DNAJC10: variants seen among roughly 807,000 people sequenced by gnomAD.
DNAJC10 encodes the protein endoplasmic reticulum disulfide reductase DNAJC10.
DNAJC10 carries 101 observed loss-of-function variants against 115.0 expected under a neutral mutation model. That is an observed-to-expected ratio of 0.88 (90% CI 0.75 to 1.04). The LOEUF is 1.04. Ranked by LOEUF, DNAJC10 falls within the 50% of genes least tolerant of loss-of-function variation. The probability of loss-of-function intolerance (pLI) is 0.00; values close to 1 mark genes in which losing one functional copy is unlikely to be tolerated. For synonymous variants in DNAJC10, 307 were observed against 301.5 expected (o/e 1.02, Z -0.19); for missense variants, 981 against 928.8 (o/e 1.06, Z -0.73).
intron 7 of DNAJC10, among the ~76,000 whole-genome samples, chr2:182,729,447 C>CA (rs988565282): frequency 3.2e-4 from 49 of 150,904 alleles, no homozygotes; most frequent in Non-Finnish European, 5.8e-4. Context: ...CAGTGCCTGG[C>CA]AAAAAAAACA....
chr2:182,785,438 A>C lies in DNAJC10; in HGVS notation c.*8306A>C, dbSNP rs1694928453. The C allele has an allele frequency of 6.6e-6, 1 of 152,128 alleles. No homozygotes were observed. The highest frequency in any genetic ancestry group is 1.5e-5 in the Non-Finnish European group (1 of 68,008). The allele number at this position is 152,128 out of a possible 1,614,324, so 9.4% of individuals were successfully genotyped here. On this transcript the variant is annotated 3_prime_UTR_variant, in exon 24 of 24. Coordinates refer to ENST00000264065, the MANE Select transcript of DNAJC10 (RefSeq NM_018981.4). ...CTGAATTCTCGCCCTGTAGTCAAGT[A>C]CTTACTATGAGTTTGGAAAAATTGC... is the stretch of plus-strand genomic sequence containing the variant.
At chr2:182,775,476 C>A in intron 23 of DNAJC10, 56 bp downstream of exon 23, 1 of 1,077,454 alleles carries the variant, frequency 9.3e-7, no homozygotes, top group Middle Eastern at 2.0e-4. Flanking sequence ...TTAGCAAAAT[C>A]TATTTTTCCT....
intron 10 of DNAJC10, chr2:182,732,744 C>G: frequency 1.8e-6 from 1 of 559,912 alleles, no homozygotes; most frequent in Admixed American, 3.6e-5. Flanking sequence ...GGTATCAATT[C>G]TAAGTGTCAT....
In DNAJC10 at chr2:182,730,640, T is replaced by C. The variant is rs288281; in HGVS notation, c.728-390T>C. The C allele has an allele frequency of 1.2e-3, 516 of 418,566 alleles. 2 individuals are homozygous for C. The highest frequency in any genetic ancestry group is 9.6e-3 in the African/African-American group (465 of 48,382). The allele number at this position is 418,566 out of a possible 1,614,324, so 25.9% of individuals were successfully genotyped here. On this transcript the variant is annotated intron_variant, in intron 8 of 23. Transcript: ENST00000264065. Reference sequence around the variant, plus strand: ...ATATCCAATCTGTCATGAAAATGAATAGGAAGCCTTAGGAGATCACTGTGT... The same window carrying C: ...ATATCCAATCTGTCATGAAAATGAACAGGAAGCCTTAGGAGATCACTGTGT...
chr2:182,722,175 G>A (rs1693167682), intron 5 of DNAJC10, 100 bp downstream of exon 5: 1 of 811,110 alleles, frequency 1.2e-6, no homozygotes, highest in African/African-American at 1.8e-5. Context: ...ATCTTTTGGA[G>A]TTTCGAACAG....
chr2:182,777,752 TGAG>T lies in DNAJC10; in HGVS notation c.*624_*626del, dbSNP rs1164405502. ...CAAACCCTGTTATGCTGTATTATTA[TGAG>T]GAGATTCTTCATTGTTTTCTTTCCT... On this transcript the variant is annotated 3_prime_UTR_variant, in exon 24 of 24. Transcript: ENST00000264065. 1.1e-4 allele frequency: 16 copies of T among 152,174 alleles called. No homozygotes were observed. The highest frequency in any genetic ancestry group is 3.6e-4 in the African/African-American group (15 of 41,452). 9.4% of individuals were successfully genotyped at this position (152,174 alleles called of 1,614,324 possible). A position where few individuals can be genotyped will look rare whatever the true frequency, so the allele number is the denominator to read the frequency against.
At chr2:182,749,804 T>C (rs549583034) in intron 14 of DNAJC10, among the ~76,000 whole-genome samples, 1 of 152,312 alleles carries the variant, frequency 6.6e-6, no homozygotes, top group African/African-American at 2.4e-5. Context: ...AATTCACAGT[T>C]TTTCGTGGTC....
At chr2:182,717,858 G>A (rs569211021) in intron 2 of DNAJC10, 83 bp from the exon 3 acceptor site, 3 of 355,312 alleles carry the variant, frequency 8.4e-6, no homozygotes, top group African/African-American at 6.3e-5. Context: ...AGATTGTATT[G>A]CTGACCATGT....
intron 12 of DNAJC10, 72 bp from the exon 13 acceptor site, chr2:182,741,171 G>C: frequency 9.6e-7 from 1 of 1,038,598 alleles, no homozygotes; most frequent in Admixed American, 2.5e-5. Flanking sequence ...CTAACTTCAA[G>C]TCATAGAAAT....
chr2:182,746,743 CA>C (rs1693878493), intron 14 of DNAJC10, among the ~76,000 whole-genome samples: 1 of 152,098 alleles, frequency 6.6e-6, no homozygotes, highest in Non-Finnish European at 1.5e-5. Flanking sequence ...AATTAGATCC[CA>C]TTTGTCAATT....
intron 21 of DNAJC10, 119 bp from the exon 22 acceptor site, chr2:182,762,563 A>G: frequency 3.8e-6 from 4 of 1,052,320 alleles, no homozygotes; most frequent in Non-Finnish European, 5.4e-6. Context: ...TTGAGTAGGA[A>G]GAATTAAAGT....
rs1272803237 is a variant in DNAJC10 at position 182,781,269 on chromosome 2, T to G, written c.*4137T>G. The G allele has an allele frequency of 6.6e-6, 1 of 152,186 alleles. No homozygotes were observed. The highest frequency in any genetic ancestry group is 1.5e-5 in the Non-Finnish European group (1 of 68,040). 9.4% of individuals were successfully genotyped at this position (152,186 alleles called of 1,614,324 possible). ...CTGAGAATAATGGTTTCCGGCTTCA[T>G]CCCTGTCCCTGCAAAGGACATGAAC... On this transcript the variant is annotated 3_prime_UTR_variant, in exon 24 of 24. Transcript: ENST00000264065.
chr2:182,771,724 A>G (rs970891568), intron 22 of DNAJC10, among the ~76,000 whole-genome samples: 6 of 151,334 alleles, frequency 4.0e-5, no homozygotes, highest in Admixed American at 2.0e-4. Flanking sequence ...CTCTTTTCCT[A>G]TTAGTCTTGT....
intron 10 of DNAJC10, chr2:182,732,882 C>T (rs1574926210): frequency 3.8e-6 from 1 of 262,036 alleles, no homozygotes. Context: ...GTATATAGCT[C>T]TCATGTTATG....
chr2:182,793,687 T>C lies in DNAJC10; in HGVS notation c.*16555T>C, dbSNP rs1695091702. 1 of 151,912 alleles carries C rather than the reference T, an allele frequency of 6.6e-6. No individual in the cohort carries two copies. The highest frequency in any genetic ancestry group is 2.1e-4 in the South Asian group (1 of 4,812). The allele number at this position is 151,912 out of a possible 1,614,324, so 9.4% of individuals were successfully genotyped here. On this transcript the variant is annotated 3_prime_UTR_variant, in exon 24 of 24. Coordinates refer to ENST00000264065, the MANE Select transcript of DNAJC10 (RefSeq NM_018981.4). ...TATATCTATATAATCCTAAATTAGG[T>C]TTCAGTTTATTTAAGTACTAAATTA...
In DNAJC10 at chr2:182,788,212, C is replaced by A. The variant is rs2105728482; in HGVS notation, c.*11080C>A. 6.4e-6 allele frequency: 1 copy of A among 155,392 alleles called. No homozygotes were observed. The highest frequency in any genetic ancestry group is 1.4e-5 in the Non-Finnish European group (1 of 70,220). 9.6% of individuals were successfully genotyped at this position (155,392 alleles called of 1,614,324 possible). On this transcript the variant is annotated 3_prime_UTR_variant, in exon 24 of 24. Transcript: ENST00000264065. ...CATCCATGGAGTGGGATTCAAGAAG[C>A]ATACCCCTCAGAGCACTCAAAGAGA...
At chr2:182,757,955 T>A in intron 19 of DNAJC10, 130 bp downstream of exon 19, 1 of 560,664 alleles carries the variant, frequency 1.8e-6, no homozygotes, top group East Asian at 3.0e-5. Context: ...GTAAAGATAG[T>A]TTGTTAATGA....
At chr2:182,749,334 G>A (rs1693955360) in intron 14 of DNAJC10, among the ~76,000 whole-genome samples, 2 of 142,434 alleles carry the variant, frequency 1.4e-5, no homozygotes, top group African/African-American at 5.4e-5. Flanking sequence ...ATGAATCTGG[G>A]TGCTCCTGTA....
intron 12 of DNAJC10, among the ~76,000 whole-genome samples, chr2:182,740,924 T>C (rs569596105): frequency 2.1e-4 from 32 of 152,286 alleles, no homozygotes; most frequent in African/African-American, 6.7e-4. Flanking sequence ...CGAGATCTTA[T>C]GTGCTAAGCC....
Sources: allele counts gnomAD v4.1 joint callset (sites outside exome capture counted in the v4.1 genomes callset), GRCh38; gene constraint gnomAD v4.1.1; transcripts MANE v1.5; gene names NCBI Gene and HGNC (gene_info 2026-07-23, HGNC 2026-07-21).